FNBP1: variants seen among roughly 807,000 people sequenced by gnomAD.
FNBP1 encodes the protein formin binding protein 1, also known as formin-binding protein 1.
Under a neutral mutation model 90.6 loss-of-function variants are expected in FNBP1, and 26 were observed. That is an observed-to-expected ratio of 0.29 (90% confidence interval 0.21 to 0.40). The LOEUF is 0.40. FNBP1 is among the 10% of genes least tolerant of loss of function. FNBP1 has a pLI of 1.00. For synonymous variants in FNBP1, 260 were observed against 265.2 expected (o/e 0.98, Z 0.19); for missense variants, 635 against 768.0 (o/e 0.83, Z 2.05).
At chr9:130,034,049 C>A (rs1215092493) in intron 1 of FNBP1, among the ~76,000 whole-genome samples, 1 of 146,506 alleles carries the variant, frequency 6.8e-6, no homozygotes, top group Non-Finnish European at 1.5e-5. Context: ...AGGCCAGCTG[C>A]GGTGGCTCAC....
intron 16 of FNBP1, among the ~76,000 whole-genome samples, chr9:129,893,400 TG>T (rs1432290202): frequency 1.1e-4 from 16 of 146,102 alleles, no homozygotes; most frequent in Admixed American, 6.2e-4. Context: ...CCCAAGAGTT[TG>T]AGACAAGCCT....
intron 2 of FNBP1, among the ~76,000 whole-genome samples, chr9:129,992,803 T>C (rs2053398696): frequency 6.7e-6 from 1 of 149,482 alleles, no homozygotes; most frequent in East Asian, 2.0e-4. Flanking sequence ...CCACCTGCCT[T>C]GGCCTCCCAA....
At chr9:129,915,488 C>G (rs904728331) in intron 11 of FNBP1, among the ~76,000 whole-genome samples, 1 of 152,100 alleles carries the variant, frequency 6.6e-6, no homozygotes, top group Non-Finnish European at 1.5e-5. Flanking sequence ...CTCAGCCTCC[C>G]AAGTAGCTGG....
chr9:130,040,408 C>T (rs566157360), intron 1 of FNBP1, among the ~76,000 whole-genome samples: 1 of 152,132 alleles, frequency 6.6e-6, no homozygotes, highest in South Asian at 2.1e-4. Context: ...TACCTGACAT[C>T]AGGAGTTTGA....
At chr9:130,024,646 G>A (rs1482210919) in intron 1 of FNBP1, among the ~76,000 whole-genome samples, 1 of 152,120 alleles carries the variant, frequency 6.6e-6, no homozygotes, top group Non-Finnish European at 1.5e-5. Flanking sequence ...TCTAATGACT[G>A]TTCATTCCGC....
chr9:129,908,713 T>A (rs2038647434), intron 12 of FNBP1, among the ~76,000 whole-genome samples, 177 bp downstream of exon 12: 1 of 151,892 alleles, frequency 6.6e-6, no homozygotes, highest in Admixed American at 6.6e-5. Flanking sequence ...CCACTGCACC[T>A]GGCTAGTTTT....
intron 11 of FNBP1, among the ~76,000 whole-genome samples, chr9:129,912,123 A>G (rs764257564): frequency 6.6e-6 from 1 of 152,044 alleles, no homozygotes; most frequent in Non-Finnish European, 1.5e-5. Context: ...TTCAGGACTG[A>G]GCCCTCAACC....
rs1238483095 is a variant in FNBP1 at position 129,889,478 on chromosome 9, G to A, written c.*1061C>T. ...ACAGCTATTTGGGAGGCTGAGGCAG[G>A]AGAATCGCTGGAACCCAGGAGGTGG... On this transcript the variant is annotated 3_prime_UTR_variant, in exon 17 of 17. Coordinates refer to ENST00000446176, the MANE Select transcript of FNBP1 (RefSeq NM_015033.3). 5.4e-6 allele frequency: 1 copy of A among 184,950 alleles called. No individual in the cohort carries two copies. The highest frequency in any genetic ancestry group is 1.1e-5 in the Non-Finnish European group (1 of 87,906). The allele number at this position is 184,950 out of a possible 1,614,324, so 11.5% of individuals were successfully genotyped here. A position where few individuals can be genotyped will look rare whatever the true frequency, so the allele number is the denominator to read the frequency against.
At position 130,042,857 on chromosome 9, in the gene FNBP1, C is replaced by T. The variant is rs2059964499; in HGVS notation, c.24+95G>A. On this transcript the variant is annotated intron_variant, in intron 1 of 16. Transcript: ENST00000446176. The surrounding 1 kb of genome is among the most constrained non-coding windows in gnomAD (Gnocchi z 5.5). Reference sequence around the variant, plus strand: ...AGGACCCCGACCAGCGCGCCCTCGCCTCCGCCCAGCAGCGCGGCCCGCGCC... The same window carrying T: ...AGGACCCCGACCAGCGCGCCCTCGCTTCCGCCCAGCAGCGCGGCCCGCGCC... The T allele has an allele frequency of 3.3e-6, 3 of 910,476 alleles. No individual in the cohort carries two copies. The highest frequency in any genetic ancestry group is 5.1e-5 in the South Asian group (1 of 19,436). The allele number at this position is 910,476 out of a possible 1,614,324, so 56.4% of individuals were successfully genotyped here.
chr9:129,998,331 A>ACC (rs1436680607), intron 1 of FNBP1, among the ~76,000 whole-genome samples: 3 of 151,882 alleles, frequency 2.0e-5, no homozygotes, highest in African/African-American at 7.3e-5. Context: ...CCTGGCCAAC[A>ACC]TGGTAAAACC....
At chr9:129,983,898 T>C (rs553429572) in intron 2 of FNBP1, among the ~76,000 whole-genome samples, 118 of 152,304 alleles carry the variant, frequency 7.7e-4, no homozygotes, top group African/African-American at 2.8e-3. Flanking sequence ...TTTTGATTTA[T>C]GGGGTCTTTC....
chr9:129,906,527 G>A (rs1023381005), intron 12 of FNBP1, among the ~76,000 whole-genome samples: 4 of 152,170 alleles, frequency 2.6e-5, no homozygotes, highest in Non-Finnish European at 5.9e-5. Flanking sequence ...CCTTGCACAA[G>A]CTCTGCCGAA....
At chr9:130,047,843 TAA>T (rs1227795212), upstream of FNBP1, among the ~76,000 whole-genome samples, 2 of 152,198 alleles carry the variant, frequency 1.3e-5, no homozygotes, top group African/African-American at 4.8e-5. Context: ...TTGCAACTAA[TAA>T]ACATCTAATT....
Position 129,900,522 on chromosome 9 carries a change from C to T in FNBP1, c.1454G>A (p.Arg485Gln), listed in dbSNP as rs765380408. 3.7e-5 allele frequency: 59 copies of T among 1,581,434 alleles called. No homozygotes were observed. Among genetic ancestry groups the T allele is most frequent in the South Asian group, 3.0e-4 (26 of 85,956 alleles). The change falls in exon 14 of 17, where the codon CGG becomes CAG. Residue 485 changes from arginine to glutamine, a missense_variant. Arg to Gln is a conservative substitution (Grantham distance 43, BLOSUM62 1). Transcript: ENST00000446176. The surrounding 1 kb of genome is among the most constrained non-coding windows in gnomAD (Gnocchi z 4.1). ...CGCCTGCTCGCTGCGTGCTGGGAGCCGGCCTTCAACCTCAGCCAGCCAGGC... is the reference window on the plus strand; with the variant it reads ...CGCCTGCTCGCTGCGTGCTGGGAGCTGGCCTTCAACCTCAGCCAGCCAGGC... ...FEAWLAEVEG[R>Q]LPARSEQARR...
rs2044370882 is a variant in FNBP1 at position 129,941,827 on chromosome 9, T to C, written c.514-12132A>G. On this transcript the variant is annotated intron_variant, in intron 6 of 16. Transcript: ENST00000446176. ...GGCTCACGCCTGTAATCCCAACACT[T>C]TGGGAGGCTGAGGCAGGTGGATCAC... Among the ~76,000 whole-genome samples, 3 of 152,100 alleles carry C rather than the reference T, an allele frequency of 2.0e-5. No homozygotes were observed. The South Asian group carries it at 6.2e-4, about 32-fold the overall frequency.
At chr9:129,899,108 C>T (rs1210013736) in intron 15 of FNBP1, among the ~76,000 whole-genome samples, 2 of 149,636 alleles carry the variant, frequency 1.3e-5, no homozygotes, top group Non-Finnish European at 3.0e-5. Flanking sequence ...GACAGAGTCT[C>T]GTTCTGTCAC....
rs113591533 is a variant in FNBP1, at chr9:130,014,378, A to C, written c.25-19420T>G. Among the ~76,000 whole-genome samples the C allele has an allele frequency of 1.2e-3, 185 of 151,890 alleles. 1 individual carries two copies. Among genetic ancestry groups the C allele is most frequent in the African/African-American group, 4.2e-3 (175 of 41,438 alleles). On this transcript the variant is annotated intron_variant, in intron 1 of 16. Coordinates refer to ENST00000446176, the MANE Select transcript of FNBP1 (RefSeq NM_015033.3). ...GCAACCCTCCTGCCTCAGCCTCCCA[A>C]GTAGCTGGGAATACAGGTGCACGCC...
At chr9:129,977,189 C>T (rs564029657) in intron 4 of FNBP1, among the ~76,000 whole-genome samples, 5 of 151,848 alleles carry the variant, frequency 3.3e-5, no homozygotes, top group South Asian at 2.1e-4. Context: ...CACTGGCCAA[C>T]GTGATTACTT....
Position 129,994,881 on chromosome 9 carries a change from T to C in FNBP1, c.102A>G (p.Glu34=), listed in dbSNP as rs895105669. ...CATAGCTGAGTTCAATCTCTGTCCTTTCTTTCACAAACTTGATATATTTCT... is the reference window on the plus strand; with the variant it reads ...CATAGCTGAGTTCAATCTCTGTCCTCTCTTTCACAAACTTGATATATTTCT... ...ILEKYIKFVK[E]RTEIELSYAK... The change falls in exon 2 of 17, where the codon GAA becomes GAG. Residue 34 remains glutamate (E), a synonymous_variant. Transcript: ENST00000446176. The C allele has an allele frequency of 6.2e-7, 1 of 1,608,416 alleles. No homozygotes were observed. Among genetic ancestry groups the C allele is most frequent in the African/African-American group, 1.3e-5 (1 of 74,820 alleles).
Sources: gnomAD v4.1 joint callset for allele counts (sites outside exome capture counted in the v4.1 genomes callset) on GRCh38, gnomAD v4.1.1 for gene constraint, Gnocchi (gnomAD v3.1) non-coding constraint, MANE v1.5 for transcripts, NCBI Gene and HGNC (gene_info 2026-07-23, HGNC 2026-07-21) for gene names.